The following PPM1B variants were observed in gnomAD, a reference collection of about 807,000 sequenced individuals.
PPM1B encodes protein phosphatase, Mg2+/Mn2+ dependent 1B.
A neutral mutation model predicts 43.0 loss-of-function variants in PPM1B; 22 were observed. That is an observed-to-expected ratio of 0.51 (90% CI 0.37 to 0.73). The LOEUF (loss-of-function observed/expected upper bound fraction) is 0.73, where lower values mean the gene tolerates loss of function less well. PPM1B is among the 30% of genes least tolerant of loss of function. The pLI is 0.00. For missense variants in PPM1B, 632 were observed against 584.2 expected, an observed-to-expected ratio of 1.08 and a Z score of -0.84; for synonymous variants, 217 against 197.9, an observed-to-expected ratio of 1.10 and a Z score of -0.81.
intron 5 of PPM1B, among the ~76,000 whole-genome samples, chr2:44,226,726 G>C (rs538422407): frequency 5.3e-5 from 7 of 131,998 alleles, no homozygotes; most frequent in Admixed American, 3.3e-4. Context: ...TAAAATGGTA[G>C]GTTTTTATCT....
intron 1 of PPM1B, among the ~76,000 whole-genome samples, chr2:44,177,014 A>C (rs1342910854): frequency 6.6e-6 from 1 of 152,200 alleles, no homozygotes; most frequent in African/African-American, 2.4e-5. Context: ...TCCTGACCTC[A>C]GGTGATCTGC....
chr2:44,193,810 G>C (rs909149638), intron 1 of PPM1B, among the ~76,000 whole-genome samples: 1 of 151,808 alleles, frequency 6.6e-6, no homozygotes, highest in African/African-American at 2.4e-5. Context: ...AACTCCTGAC[G>C]TAAGGTGATC....
chr2:44,188,998 A>AGCTGGGACTACAGGCAT (rs1215899766), intron 1 of PPM1B, among the ~76,000 whole-genome samples: 3 of 151,880 alleles, frequency 2.0e-5, no homozygotes, highest in South Asian at 2.1e-4. Flanking sequence ...TCTCCCGGGT[A>AGCTGGGACTACAGGCAT]GCTGGGACTA....
intron 1 of PPM1B, among the ~76,000 whole-genome samples, chr2:44,195,225 A>G (rs1238453748): frequency 7.0e-6 from 1 of 142,386 alleles, no homozygotes; most frequent in East Asian, 2.1e-4. Flanking sequence ...TTTTCAAGAG[A>G]CAGGGACTCA....
At chr2:44,188,813 CCCTCCCCCTACCT>C (rs1221280415) in intron 1 of PPM1B, among the ~76,000 whole-genome samples, 1 of 149,888 alleles carries the variant, frequency 6.7e-6, no homozygotes, top group Non-Finnish European at 1.5e-5. Context: ...ACTCCCCTCC[CCCTCCCCCTACCT>C]CCTCCCCCTC....
chr2:44,197,269 G>T (rs578082269), intron 1 of PPM1B, among the ~76,000 whole-genome samples: 1 of 151,988 alleles, frequency 6.6e-6, no homozygotes, highest in Non-Finnish European at 1.5e-5. Context: ...ACAGCCGTGC[G>T]CCACCATGTC....
rs41321846 is a variant in PPM1B, at chr2:44,201,065, C to T, written c.-14-121C>T. The T allele has an allele frequency of 2.6e-3, 2,840 of 1,074,486 alleles. 57 individuals are homozygous for T. In the African/African-American group the frequency reaches 0.039, roughly 15 times the overall value. 66.6% of individuals were successfully genotyped at this position (1,074,486 alleles called of 1,614,324 possible). A position where few individuals can be genotyped will look rare whatever the true frequency, so the allele number is the denominator to read the frequency against. On this transcript the variant is annotated intron_variant, in intron 1 of 5. Coordinates refer to ENST00000282412, the MANE Select transcript of PPM1B (RefSeq NM_002706.6). This position sits in a 1 kb window ranked among gnomAD's most constrained non-coding sequence, Gnocchi z 5.4. ...TTTCTTGGGCTTTTGTTGTTGCTCC[C>T]GTAAATTAGGATAATACTAAAAAAA...
intron 5 of PPM1B, among the ~76,000 whole-genome samples, chr2:44,243,634 T>A (rs1439200223): frequency 2.0e-5 from 3 of 152,182 alleles, no homozygotes; most frequent in Admixed American, 1.3e-4. Flanking sequence ...TTCTCATTAT[T>A]TGAAGTTGTC....
downstream of PPM1B, chr2:44,233,937 G>A (rs778994901): frequency 1.5e-5 from 15 of 985,230 alleles, no homozygotes; most frequent in Admixed American, 3.1e-4. Context: ...ATGGTTTATC[G>A]TTCAAACTGT....
chr2:44,194,762 A>T (rs1020602717), intron 1 of PPM1B, among the ~76,000 whole-genome samples: 1 of 152,148 alleles, frequency 6.6e-6, no homozygotes. Flanking sequence ...GCATATCAGC[A>T]TTCATTATGC....
At position 44,201,482 on chromosome 2, in the gene PPM1B, C is replaced by G. The variant is rs1668934983; in HGVS notation, c.283C>G (p.Leu95Val). Residue 95 changes from leucine (L) to valine (V), a missense_variant, in exon 2 of 6, where the codon CTT (leucine) becomes GTT (valine). Around this residue, in one of 3 missense-constraint regions of PPM1B, gnomAD observed 200 missense variants for 200.7 expected, o/e 1.00. Transcript: ENST00000282412. The surrounding 1 kb of genome is among the most constrained non-coding windows in gnomAD (Gnocchi z 5.4). ...GGCAGCTGGAAAATCAGGATCTGCT[C>G]TTGAGCTTTCAGTGGAAAATGTTAA... The part of the protein sequence containing the change: ...FRAAGKSGSA[L>V]ELSVENVKNG... The G allele has an allele frequency of 1.2e-6, 2 of 1,614,164 alleles. No homozygotes were observed. Among genetic ancestry groups the G allele is most frequent in the Non-Finnish European group, 1.7e-6 (2 of 1,180,022 alleles).
intron 1 of PPM1B, among the ~76,000 whole-genome samples, chr2:44,179,116 T>C (rs532974842): frequency 6.6e-6 from 1 of 152,260 alleles, no homozygotes; most frequent in African/African-American, 2.4e-5. Flanking sequence ...TCATGAGATC[T>C]GATGGTTTTA....
At chr2:44,245,027 A>T (rs115163399), downstream of PPM1B, among the ~76,000 whole-genome samples, 4 of 152,134 alleles carry the variant, frequency 2.6e-5, no homozygotes, top group African/African-American at 9.6e-5. Context: ...TTCACTATCA[A>T]CAATTTACGT....
chr2:44,223,872 T>G (rs1670092385), intron 5 of PPM1B, among the ~76,000 whole-genome samples: 1 of 144,776 alleles, frequency 6.9e-6, no homozygotes, highest in South Asian at 2.3e-4. Flanking sequence ...TGCACTAACA[T>G]TAGTCACTAT....
chr2:44,210,722 C>T (rs552041072), intron 3 of PPM1B, among the ~76,000 whole-genome samples: 73 of 152,046 alleles, frequency 4.8e-4, no homozygotes, highest in Non-Finnish European at 9.0e-4. Context: ...TATTCCCCTG[C>T]CCCCCATATT....
intron 5 of PPM1B, among the ~76,000 whole-genome samples, chr2:44,226,735 CTTTTTTT>C (rs60750702): frequency 3.4e-4 from 23 of 66,688 alleles, no homozygotes; most frequent in African/African-American, 5.2e-4. Context: ...AGGTTTTTAT[CTTTTTTT>C]TTTTTTTTTT....
downstream of PPM1B, chr2:44,233,404 T>G (rs548643454): frequency 3.1e-6 from 3 of 982,200 alleles, no homozygotes; most frequent in African/African-American, 5.2e-5. Flanking sequence ...TTTATTAGTT[T>G]AATTCTATTT....
chr2:44,243,217 A>G (rs56282169), intron 5 of PPM1B, among the ~76,000 whole-genome samples: 2,508 of 152,316 alleles, frequency 0.016, 76 homozygotes, highest in African/African-American at 0.056. Context: ...GCTGAAGAGT[A>G]TAAGAGAGCT....
chr2:44,178,447 T>C (rs1042064421), intron 1 of PPM1B, among the ~76,000 whole-genome samples: 41 of 132,258 alleles, frequency 3.1e-4, no homozygotes, highest in African/African-American at 1.1e-3. Flanking sequence ...GTGTATTTTA[T>C]ATATGTATAT....
Sources: allele counts gnomAD v4.1 joint callset (sites outside exome capture counted in the v4.1 genomes callset), GRCh38; gene constraint gnomAD v4.1.1; regional missense constraint gnomAD v4.1.1; non-coding constraint Gnocchi (gnomAD v3.1); transcripts MANE v1.5; gene names NCBI Gene and HGNC (gene_info 2026-07-23, HGNC 2026-07-21).